The following CLCN5 variants were observed in gnomAD, a reference collection of about 807,000 sequenced individuals.
CLCN5 encodes Cl-/H+ antiporter 5.
A neutral mutation model predicts 54.0 loss-of-function variants in CLCN5; 17 were observed. That is an observed-to-expected ratio of 0.31 (90% confidence interval 0.22 to 0.47). CLCN5 has a LOEUF of 0.47. Among genes scored for constraint, CLCN5 ranks in the 20% least tolerant of loss-of-function variants. CLCN5 has a pLI of 1.00. For synonymous variants in CLCN5, 222 were observed against 233.0 expected (o/e 0.95, Z 0.43); for missense variants, 448 against 646.7 (o/e 0.69, Z 3.33).
intron 4 of CLCN5, among the ~76,000 whole-genome samples, chrX:50,060,350 G>A (rs1233892512): frequency 2.7e-5 from 3 of 110,305 alleles, no homozygotes; most frequent in South Asian, 4.0e-4. Context: ...CCTGGGAAGC[G>A]CAAGGGGTCA....
Position 50,080,579 on chromosome X carries a change from T to A in CLCN5, c.604-15T>A, listed in dbSNP as rs1557192925. On this transcript the variant is annotated splice_polypyrimidine_tract_variant and intron_variant, in intron 7 of 14. Transcript: ENST00000376091. ...TGTCTAGGCTAAAACAAGCTTCTTT[T>A]TCCCCCTGTTCCAGGGAGCCTTTGC... 19 of 1,203,644 alleles carry A rather than the reference T, an allele frequency of 1.6e-5. No individual in the cohort carries two copies. Among genetic ancestry groups the A allele is most frequent in the Non-Finnish European group, 2.1e-5 (19 of 891,715 alleles).
chrX:50,041,486 CTA>C (rs1932213869), intron 3 of CLCN5, among the ~76,000 whole-genome samples: 1 of 110,901 alleles, frequency 9.0e-6, no homozygotes, highest in Non-Finnish European at 1.9e-5. Context: ...GAATGGCACA[CTA>C]TGTTTCTTTT....
At chrX:49,953,295 C>CT (rs1927147989) in intron 3 of CLCN5, among the ~76,000 whole-genome samples, 1 of 111,633 alleles carries the variant, frequency 9.0e-6, no homozygotes, top group African/African-American at 3.3e-5. Flanking sequence ...TCTACAATAA[C>CT]TTTTTTGTGT....
chrX:49,933,518 T>C (rs782451721), intron 3 of CLCN5, among the ~76,000 whole-genome samples: 7 of 112,291 alleles, frequency 6.2e-5, no homozygotes, highest in Non-Finnish European at 1.1e-4. Context: ...TTATTTAAAC[T>C]CCAGAAGCCT....
At chrX:50,002,681 CTGTGTGTGTG>C (rs60257335) in intron 3 of CLCN5, among the ~76,000 whole-genome samples, 15 of 94,773 alleles carry the variant, frequency 1.6e-4, no homozygotes, top group Non-Finnish European at 2.3e-4. Flanking sequence ...CTCTCTCTCT[CTGTGTGTGTG>C]TGTGTGTGTG....
At chrX:49,934,529 G>A (rs782124118) in intron 3 of CLCN5, among the ~76,000 whole-genome samples, 5 of 111,448 alleles carry the variant, frequency 4.5e-5, no homozygotes, top group Non-Finnish European at 9.4e-5. Flanking sequence ...ATAGTATGAA[G>A]TGTCTCCCTT....
intron 3 of CLCN5, among the ~76,000 whole-genome samples, chrX:49,926,582 A>G (rs782118388): frequency 1.3e-4 from 15 of 111,942 alleles, no homozygotes; most frequent in Middle Eastern, 4.2e-3. Context: ...TTCTGGGCAG[A>G]CAGAGCAGCA....
intron 3 of CLCN5, among the ~76,000 whole-genome samples, chrX:50,016,453 G>A (rs187682076): frequency 3.6e-5 from 4 of 110,146 alleles, no homozygotes; most frequent in South Asian, 3.9e-4. Flanking sequence ...CCCAGTTTCC[G>A]CTATTAACAT....
intron 3 of CLCN5, among the ~76,000 whole-genome samples, chrX:49,996,947 A>ACCT (rs1929554120): frequency 9.1e-6 from 1 of 110,227 alleles, no homozygotes; most frequent in Admixed American, 9.6e-5. Flanking sequence ...ACCTTTCTCT[A>ACCT]CCTCCTCCTC....
At chrX:50,063,118 C>T (rs1265798396) in intron 4 of CLCN5, among the ~76,000 whole-genome samples, 2 of 103,973 alleles carry the variant, frequency 1.9e-5, no homozygotes, top group African/African-American at 7.3e-5. Flanking sequence ...CAAGAGCAAA[C>T]ACATTCAAAA....
chrX:50,025,220 CG>C (rs1931298414), intron 3 of CLCN5, among the ~76,000 whole-genome samples: 1 of 45,057 alleles, frequency 2.2e-5, no homozygotes, highest in Middle Eastern at 7.6e-3. Context: ...GCGCAATATT[CG>C]GGTGGGAGTG....
At chrX:50,025,413 A>C (rs1189695354) in intron 3 of CLCN5, among the ~76,000 whole-genome samples, 1 of 98,375 alleles carries the variant, frequency 1.0e-5, no homozygotes, top group Non-Finnish European at 2.0e-5. Flanking sequence ...GGTACCTCAG[A>C]TGGAAATGCA....
At chrX:50,072,456 A>G in intron 5 of CLCN5, 33 bp from the exon 6 acceptor site, 1 of 966,698 alleles carries the variant, frequency 1.0e-6, no homozygotes, top group Non-Finnish European at 1.5e-6. Context: ...TGGTGTGTGT[A>G]GAGTGTACCA....
intron 4 of CLCN5, among the ~76,000 whole-genome samples, chrX:50,058,106 C>T (rs1046852097): frequency 8.9e-5 from 10 of 111,795 alleles, no homozygotes; most frequent in Admixed American, 3.8e-4. Context: ...TGCAAAAATA[C>T]AATATATCGC....
intron 3 of CLCN5, among the ~76,000 whole-genome samples, chrX:49,935,721 G>A (rs782594014): frequency 1.8e-5 from 2 of 111,263 alleles, no homozygotes; most frequent in South Asian, 7.7e-4. Flanking sequence ...GAGACAAGGT[G>A]GAAATCCCTG....
chrX:49,991,080 G>A (rs1323008360), intron 3 of CLCN5, among the ~76,000 whole-genome samples: 1 of 112,042 alleles, frequency 8.9e-6, no homozygotes, highest in Admixed American at 9.4e-5. Context: ...CTCAGTAGTG[G>A]GATTGCTGGA....
Position 50,017,166 on chromosome X carries a change from A to G in CLCN5, c.17-25150A>G, listed in dbSNP as rs1359774002. Reference sequence around the variant, plus strand: ...ATACCAGGAAGTGTTGCTGGATCATATGGTAAGACTATGTTTAATTTTGTA... The same window carrying G: ...ATACCAGGAAGTGTTGCTGGATCATGTGGTAAGACTATGTTTAATTTTGTA... On this transcript the variant is annotated intron_variant, in intron 3 of 14. Coordinates refer to ENST00000376091, the MANE Select transcript of CLCN5 (RefSeq NM_001127898.4). 4.5e-5 allele frequency among the ~76,000 whole-genome samples: 5 copies of G among 111,742 alleles called. No individual in the cohort carries two copies. The East Asian group carries it at 1.1e-3, about 25-fold the overall frequency.
intron 3 of CLCN5, among the ~76,000 whole-genome samples, chrX:50,019,468 CTTTT>C (rs1175073117): frequency 2.1e-5 from 1 of 47,690 alleles, no homozygotes; most frequent in African/African-American, 8.9e-5. Context: ...TTTTTTTTTT[CTTTT>C]TTTTTTTTTT....
At chrX:49,955,286 C>A (rs1927259713) in intron 3 of CLCN5, among the ~76,000 whole-genome samples, 1 of 111,272 alleles carries the variant, frequency 9.0e-6, no homozygotes, top group African/African-American at 3.3e-5. Flanking sequence ...GCTCTATGGC[C>A]CTTAGTTGAA....
Sources: allele counts gnomAD v4.1 joint callset (sites outside exome capture counted in the v4.1 genomes callset), GRCh38; gene constraint gnomAD v4.1.1; transcripts MANE v1.5; gene names NCBI Gene and HGNC (gene_info 2026-07-23, HGNC 2026-07-21).